The following FAM217B variants were observed in gnomAD, a reference collection of about 807,000 sequenced individuals.
The protein encoded by FAM217B is protein FAM217B.
For synonymous variants in FAM217B, 163 were observed against 173.0 expected (o/e 0.94, Z 0.45); for missense variants, 463 against 456.9 (o/e 1.01, Z -0.12).
rs1415430301 is a variant in FAM217B at position 59,947,961 on chromosome 20, A to C, written c.*2866A>C. 1 of 166,746 alleles carries C rather than the reference A, an allele frequency of 6.0e-6. No individual in the cohort carries two copies. Among genetic ancestry groups the C allele is most frequent in the Non-Finnish European group, 1.5e-5 (1 of 68,046 alleles). 10.3% of individuals were successfully genotyped at this position (166,746 alleles called of 1,614,324 possible). On this transcript the variant is annotated 3_prime_UTR_variant, in exon 4 of 4. Transcript: ENST00000360816. ...AGTGACATGGGTTATTGTATTTCCG[A>C]GAAGTGCCTCTCATTTCTGGGGAGT...
chr20:59,933,966 G>C (rs1207906093), intron 1 of FAM217B: 2 of 152,364 alleles, frequency 1.3e-5, no homozygotes, highest in Non-Finnish European at 2.9e-5. Flanking sequence ...TCGCTGCCTT[G>C]ACTGGGGCCC....
intron 1 of FAM217B, among the ~76,000 whole-genome samples, chr20:59,941,487 A>G (rs1444232394): frequency 6.6e-6 from 1 of 152,172 alleles, no homozygotes; most frequent in Non-Finnish European, 1.5e-5. Flanking sequence ...CATCTCTTTT[A>G]TTTTACAGAG....
chr20:59,945,217 C>A lies in FAM217B; in HGVS notation c.*122C>A. The A allele has an allele frequency of 2.4e-6, 2 of 833,296 alleles. No homozygotes were observed. The highest frequency in any genetic ancestry group is 3.7e-6 in the Non-Finnish European group (2 of 547,918). The allele number at this position is 833,296 out of a possible 1,614,324, so 51.6% of individuals were successfully genotyped here. A position where few individuals can be genotyped will look rare whatever the true frequency, so the allele number is the denominator to read the frequency against. On this transcript the variant is annotated 3_prime_UTR_variant, in exon 4 of 4. Transcript: ENST00000360816. ...TACTGACATTTAAGTAGTTGACTGG[C>A]ATTTTTGTCCACCTTTATTTCTACC...
At chr20:59,941,607 T>C (rs1229971817) in intron 1 of FAM217B, among the ~76,000 whole-genome samples, 1 of 152,188 alleles carries the variant, frequency 6.6e-6, no homozygotes, top group Non-Finnish European at 1.5e-5. Flanking sequence ...TCAACAATGC[T>C]TCATAAAGAG....
At position 59,944,335 on chromosome 20, in the gene FAM217B, C is replaced by T. The variant is rs1401153234; in HGVS notation, c.392C>T (p.Pro131Leu). The T allele has an allele frequency of 6.2e-7, 1 of 1,614,014 alleles. No individual in the cohort carries two copies. Among genetic ancestry groups the T allele is most frequent in the East Asian group, 2.2e-5 (1 of 44,896 alleles). Residue 131 changes from proline to leucine, a missense_variant, in exon 4 of 4, where the codon CCT becomes CTT. Pro to Leu is a moderately conservative substitution (Grantham distance 98). Transcript: ENST00000360816. ...EIDPVYFDLHPGQGHTKPEYY... is the reference protein window; with the variant it reads ...EIDPVYFDLHLGQGHTKPEYY... Reference sequence around the variant, plus strand: ...GATCCAGTTTACTTTGATCTTCACCCTGGTCAGGGCCATACAAAACCTGAA... The same window carrying T: ...GATCCAGTTTACTTTGATCTTCACCTTGGTCAGGGCCATACAAAACCTGAA...
rs1345418499 is a variant in FAM217B, at chr20:59,944,522, C to A, written c.579C>A (p.Val193=). ...DRLIQLEWLQ[V]QTVQCEKAKG... is the part of the protein sequence containing the mutation. ...TTATTCAGCTTGAGTGGCTGCAAGT[C>A]CAGACTGTACAGTGTGAAAAAGCAA... Residue 193 remains valine (V), a synonymous_variant, in exon 4 of 4, where the codon GTC becomes GTA. Coordinates refer to ENST00000360816, the MANE Select transcript of FAM217B (RefSeq NM_022106.3). 2 of 1,613,700 alleles carry A rather than the reference C, an allele frequency of 1.2e-6. No homozygotes were observed. The highest frequency in any genetic ancestry group is 3.3e-5 in the Admixed American group (2 of 59,948).
At chr20:59,939,807 C>CT, upstream of FAM217B, 1 of 1,233,784 alleles carries the variant, frequency 8.1e-7, no homozygotes, top group Non-Finnish European at 1.0e-6. Flanking sequence ...CCCAGGGGGC[C>CT]TACAGGCCCG....
upstream of FAM217B, chr20:59,939,244 C>T (rs749116001): frequency 7.0e-5 from 113 of 1,611,218 alleles, no homozygotes; most frequent in Non-Finnish European, 9.3e-5. Context: ...TCCGTGCCCT[C>T]GGGGCCTGCG....
intron 1 of FAM217B, among the ~76,000 whole-genome samples, chr20:59,934,406 C>G (rs77880672): frequency 0.014 from 2,148 of 152,324 alleles, 51 homozygotes; most frequent in African/African-American, 0.047. Flanking sequence ...CCCCTTGGCT[C>G]GCAGAGGGCG....
chr20:59,940,021 A>C (rs2060890619), upstream of FAM217B: 1 of 1,116,896 alleles, frequency 9.0e-7, no homozygotes, highest in East Asian at 3.3e-5. Flanking sequence ...AGCCGCAGAG[A>C]GTCCACCGTA....
rs772784202 is a variant in FAM217B, at chr20:59,944,804, A to C, written c.861A>C (p.Glu287Asp). 11 of 1,614,200 alleles carry C rather than the reference A, an allele frequency of 6.8e-6. No individual in the cohort carries two copies. The South Asian group carries it at 1.2e-4, about 18-fold the overall frequency. The change falls in exon 4 of 4, where the codon GAA (glutamate) becomes GAC (aspartate). Residue 287 changes from glutamate to aspartate, a missense_variant. Transcript: ENST00000360816. ...TRFCSQRQTL[E>D]MRTEEKKKKS... is the part of the protein sequence containing the mutation. ...TTTGTTCTCAGAGGCAAACCCTTGA[A>C]ATGAGGACAGAAGAAAAGAAAAAGA... is the stretch of plus-strand genomic sequence containing the variant.
chr20:59,940,338 C>G (rs989233490), upstream of FAM217B: 7 of 158,148 alleles, frequency 4.4e-5, no homozygotes, highest in Admixed American at 3.3e-4. Context: ...CCTAGCGAGC[C>G]TCCGCCCCGC....
chr20:59,943,037 G>A (rs1456195382), intron 3 of FAM217B, among the ~76,000 whole-genome samples: 1 of 152,168 alleles, frequency 6.6e-6, no homozygotes, highest in African/African-American at 2.4e-5. Flanking sequence ...TTTCCAGAAA[G>A]CATGTTTACC....
chr20:59,939,743 G>T, upstream of FAM217B: 7 of 1,233,620 alleles, frequency 5.7e-6, no homozygotes, highest in Non-Finnish European at 6.1e-6. Context: ...TGGGCCGCAG[G>T]CGGGGGTCGC....
upstream of FAM217B, chr20:59,939,981 G>A (rs1350749964): frequency 3.2e-6 from 4 of 1,233,094 alleles, no homozygotes; most frequent in Non-Finnish European, 4.1e-6. Context: ...ACGACCTCCC[G>A]ACCCCGCGAC....
At chr20:59,942,600 T>G (rs1163803729) in intron 3 of FAM217B, 88 bp downstream of exon 3, 4 of 152,198 alleles carry the variant, frequency 2.6e-5, no homozygotes, top group Non-Finnish European at 5.9e-5. Context: ...GGGAAAAAAG[T>G]ATGTCTATAG....
upstream of FAM217B, among the ~76,000 whole-genome samples, chr20:59,935,604 C>CA (rs902480689): frequency 9.2e-5 from 14 of 151,996 alleles, no homozygotes; most frequent in African/African-American, 2.4e-4. Context: ...CCTATCTCTA[C>CA]AAAAAAACAA....
upstream of FAM217B, chr20:59,938,088 AAT>A (rs750968095): frequency 8.5e-5 from 13 of 152,368 alleles, no homozygotes; most frequent in Non-Finnish European, 1.2e-4. Flanking sequence ...AAGAAATAAA[AAT>A]AGTCACCTTA....
upstream of FAM217B, chr20:59,938,889 C>T: frequency 1.3e-6 from 1 of 776,390 alleles, no homozygotes; most frequent in Non-Finnish European, 1.9e-6. Flanking sequence ...TGGGCCACTG[C>T]CAGGGGACCT....
Sources: gnomAD v4.1 joint callset for allele counts (sites outside exome capture counted in the v4.1 genomes callset) on GRCh38, gnomAD v4.1.1 for gene constraint, MANE v1.5 for transcripts, NCBI Gene and HGNC (gene_info 2026-07-23, HGNC 2026-07-21) for gene names.